TCEA1: variants seen among roughly 807,000 people sequenced by gnomAD.
TCEA1 encodes the protein transcription elongation factor A protein 1.
Under a neutral mutation model 43.8 loss-of-function variants are expected in TCEA1, and 21 were observed. That is an observed-to-expected ratio of 0.48 (90% CI 0.34 to 0.69). The LOEUF (loss-of-function observed/expected upper bound fraction) is 0.69. TCEA1 is among the 30% of genes least tolerant of loss of function. The probability of loss-of-function intolerance (pLI) is 0.01; values close to 1 mark genes in which losing one functional copy is unlikely to be tolerated. For synonymous variants in TCEA1, 104 were observed against 117.5 expected (o/e 0.88, Z 0.75); for missense variants, 250 against 365.1 (o/e 0.68, Z 2.57).
At chr8:54,014,665 T>C (rs1007608236) in intron 1 of TCEA1, among the ~76,000 whole-genome samples, 3 of 152,212 alleles carry the variant, frequency 2.0e-5, no homozygotes, top group South Asian at 2.1e-4. Context: ...TAAACCATGA[T>C]ACTTGTACTA....
chr8:53,993,788 A>G (rs758423952), intron 3 of TCEA1, 33 bp from the exon 4 acceptor site: 2 of 1,579,090 alleles, frequency 1.3e-6, no homozygotes, highest in East Asian at 4.5e-5. Context: ...AGTTGCTAGC[A>G]TTTGTAAAAA....
In TCEA1 at chr8:53,997,708, T is replaced by G. The variant is rs142772473; in HGVS notation, c.232+2237A>C. On this transcript the variant is annotated intron_variant, in intron 3 of 9. Transcript: ENST00000521604. ...GAGCCCAAGAGTCCAAGACCAGCCT[T>G]AGCAACATAGTGAGACTCTGTCTCA... Among the ~76,000 whole-genome samples the G allele has an allele frequency of 4.0e-3, 615 of 152,288 alleles. 3 individuals carry two copies. Among genetic ancestry groups the G allele is most frequent in the African/African-American group, 0.014 (586 of 41,556 alleles).
chr8:53,986,648 A>G (rs914925972), intron 6 of TCEA1, among the ~76,000 whole-genome samples: 9 of 152,206 alleles, frequency 5.9e-5, no homozygotes, highest in African/African-American at 1.9e-4. Context: ...TTCAGTTTCC[A>G]AAGAGCCAGG....
At position 54,022,065 on chromosome 8, in the gene TCEA1, C is replaced by T. The variant is rs1586048301; in HGVS notation, c.61G>A (p.Ala21Thr). 6.9e-6 allele frequency: 11 copies of T among 1,590,340 alleles called. No individual in the cohort carries two copies. Among genetic ancestry groups the T allele is most frequent in the Non-Finnish European group, 7.7e-6 (9 of 1,170,656 alleles). The change falls in exon 1 of 10, where the codon GCG becomes ACG. Residue 21 changes from alanine to threonine, a missense_variant and splice_region_variant. Transcript: ENST00000521604. Reference sequence around the variant, plus strand: ...CCCGCGCCGCTCGCCGCGCTCACCGCGTTCTTCTTCTGCACCATCTTGTCC... The same window carrying T: ...CCCGCGCCGCTCGCCGCGCTCACCGTGTTCTTCTTCTGCACCATCTTGTCC... The part of the protein sequence containing the change: ...KMDKMVQKKN[A>T]AGALDLLKEL...
chr8:54,021,120 C>T (rs1277811755), intron 1 of TCEA1, among the ~76,000 whole-genome samples: 1 of 152,020 alleles, frequency 6.6e-6, no homozygotes, highest in East Asian at 1.9e-4. Flanking sequence ...ACCCGAGAGG[C>T]GGAGGTTGCA....
intron 8 of TCEA1, chr8:53,973,589 TGAG>T (rs1330904763): frequency 7.1e-6 from 4 of 560,596 alleles, no homozygotes; most frequent in African/African-American, 1.9e-5. Flanking sequence ...CCTTACTGGA[TGAG>T]GAGGAGGAAA....
intron 4 of TCEA1, among the ~76,000 whole-genome samples, chr8:53,991,085 C>T (rs1410344336): frequency 2.6e-5 from 4 of 152,170 alleles, no homozygotes; most frequent in Admixed American, 6.6e-5. Context: ...ACGTCAAGCA[C>T]GTAAAACTGA....
At chr8:53,978,730 C>T (rs528924488) in intron 8 of TCEA1, 11 of 254,460 alleles carry the variant, frequency 4.3e-5, no homozygotes, top group Non-Finnish European at 7.6e-5. Context: ...ACTCATATTA[C>T]TTTCATAACA....
intron 3 of TCEA1, among the ~76,000 whole-genome samples, chr8:53,994,410 TAA>T (rs1803982263): frequency 6.6e-6 from 1 of 152,216 alleles, no homozygotes; most frequent in Admixed American, 6.5e-5. Context: ...TAAATTTCCA[TAA>T]AGTTAGAAAA....
intron 2 of TCEA1, among the ~76,000 whole-genome samples, chr8:54,008,438 G>GT (rs1295471850): frequency 1.3e-5 from 2 of 152,030 alleles, no homozygotes; most frequent in Non-Finnish European, 2.9e-5. Flanking sequence ...CAAGGCTGGA[G>GT]TTCAAGACCA....
chr8:53,996,618 CAAG>C (rs1804058787), intron 3 of TCEA1, among the ~76,000 whole-genome samples: 1 of 152,024 alleles, frequency 6.6e-6, no homozygotes, highest in East Asian at 1.9e-4. Flanking sequence ...AAGTTAAAAA[CAAG>C]AAATCTAACA....
At chr8:53,972,400 A>C (rs1803184259) in intron 8 of TCEA1, 1 of 555,974 alleles carries the variant, frequency 1.8e-6, no homozygotes, top group Non-Finnish European at 3.4e-6. Flanking sequence ...ACTAGTTCTG[A>C]AAATGAAGAT....
intron 3 of TCEA1, 37 bp downstream of exon 3, chr8:53,999,908 A>C (rs1200043918): frequency 2.3e-6 from 3 of 1,314,704 alleles, no homozygotes; most frequent in African/African-American, 2.9e-5. Flanking sequence ...AATAAATCAC[A>C]ACATCATAAA....
At chr8:53,996,444 G>A (rs1187474092) in intron 3 of TCEA1, among the ~76,000 whole-genome samples, 2 of 152,228 alleles carry the variant, frequency 1.3e-5, no homozygotes, top group East Asian at 3.8e-4. Context: ...GGATTGTTGT[G>A]AGGATTAAAT....
rs118046389 is a variant in TCEA1 at position 54,006,667 on chromosome 8, C to T, written c.126+3763G>A. On this transcript the variant is annotated intron_variant, in intron 2 of 9. Transcript: ENST00000521604. The stretch of plus-strand genomic sequence containing the variant: ...TGTTGTTTTCCCCACACAGGTCTGT[C>T]GGGATAAAGTTATGCCTTGGTAAGG... Among the ~76,000 whole-genome samples the T allele has an allele frequency of 9.0e-4, 137 of 152,212 alleles. 1 individual carries two copies. The East Asian group carries it at 0.023, about 26-fold the overall frequency.
chr8:53,979,778 A>G (rs1181213462), intron 7 of TCEA1, among the ~76,000 whole-genome samples: 1 of 152,146 alleles, frequency 6.6e-6, no homozygotes, highest in African/African-American at 2.4e-5. Context: ...TATAGGTAAC[A>G]TTATTATTGT....
chr8:54,020,921 C>G (rs1805001915), intron 1 of TCEA1, among the ~76,000 whole-genome samples: 1 of 152,154 alleles, frequency 6.6e-6, no homozygotes, highest in Non-Finnish European at 1.5e-5. Flanking sequence ...GCGCAGTGGC[C>G]TCACGCCTGT....
chr8:53,990,795 T>C (rs1365653720), intron 4 of TCEA1, among the ~76,000 whole-genome samples: 1 of 152,358 alleles, frequency 6.6e-6, no homozygotes, highest in East Asian at 1.9e-4. Flanking sequence ...TCACTACTGC[T>C]GGTCCCACTT....
intron 8 of TCEA1, chr8:53,971,641 G>A: frequency 6.0e-6 from 1 of 165,378 alleles, no homozygotes; most frequent in Non-Finnish European, 1.3e-5. Context: ...ACTATGCTGT[G>A]GATAAGAGGG....
Sources: allele counts gnomAD v4.1 joint callset (sites outside exome capture counted in the v4.1 genomes callset), GRCh38; gene constraint gnomAD v4.1.1; transcripts MANE v1.5; gene names NCBI Gene and HGNC (gene_info 2026-07-23, HGNC 2026-07-21).